The following GULP1 variants were observed in gnomAD, a reference collection of about 807,000 sequenced individuals.
GULP1 encodes the protein PTB domain-containing engulfment adapter protein 1.
GULP1 carries 19 observed loss-of-function variants against 40.9 expected under a neutral mutation model. That is an observed-to-expected ratio of 0.46 (90% confidence interval 0.32 to 0.68). The LOEUF is 0.68. Ranked by LOEUF, GULP1 falls within the 30% of genes least tolerant of loss-of-function variation. The pLI is 0.03. For synonymous variants in GULP1, 119 were observed against 117.6 expected (o/e 1.01, Z -0.08); for missense variants, 312 against 362.2 (o/e 0.86, Z 1.12).
chr2:188,486,979 G>A (rs2061916848), intron 4 of GULP1, among the ~76,000 whole-genome samples: 1 of 151,886 alleles, frequency 6.6e-6, no homozygotes, highest in African/African-American at 2.4e-5. Context: ...GAAGAGTACT[G>A]AGAATTTGGA....
In GULP1 at chr2:188,594,075, ATTAC is replaced by A; in HGVS notation, c.*67_*70del. The A allele has an allele frequency of 1.2e-6, 1 of 861,994 alleles. No homozygotes were observed. Among genetic ancestry groups the A allele is most frequent in the Non-Finnish European group, 1.9e-6 (1 of 514,958 alleles). 53.4% of individuals were successfully genotyped at this position (861,994 alleles called of 1,614,324 possible). On this transcript the variant is annotated 3_prime_UTR_variant, in exon 12 of 12. Transcript: ENST00000409830. ...TTGTATACACATGTCATTTATTATT[ATTAC>A]TTTAAGATAGGTATTATTCATGTGT...
At chr2:188,575,510 G>A (rs911939179) in intron 9 of GULP1, among the ~76,000 whole-genome samples, 1 of 152,178 alleles carries the variant, frequency 6.6e-6, no homozygotes, top group African/African-American at 2.4e-5. Flanking sequence ...GAGCAGAATA[G>A]AAGAGAATGA....
chr2:188,378,291 A>G (rs1281815574), intron 1 of GULP1, among the ~76,000 whole-genome samples: 1 of 151,882 alleles, frequency 6.6e-6, no homozygotes, highest in Non-Finnish European at 1.5e-5. Context: ...AAAAAAAAAA[A>G]AAAGAAAAAA....
intron 1 of GULP1, among the ~76,000 whole-genome samples, chr2:188,332,191 C>CTTTTTTTT (rs11431434): frequency 1.6e-5 from 2 of 126,700 alleles, no homozygotes; most frequent in Non-Finnish European, 1.6e-5. Context: ...TTTCTTTATT[C>CTTTTTTTT]TTTTTTTTTT....
chr2:188,330,799 A>G (rs896065399), intron 1 of GULP1, among the ~76,000 whole-genome samples: 3 of 152,112 alleles, frequency 2.0e-5, no homozygotes, highest in Non-Finnish European at 4.4e-5. Context: ...GTTCATCTGG[A>G]TTACTGGTGT....
At chr2:188,428,124 T>C (rs1360932015) in intron 2 of GULP1, among the ~76,000 whole-genome samples, 1 of 152,236 alleles carries the variant, frequency 6.6e-6, no homozygotes, top group Admixed American at 6.5e-5. Flanking sequence ...GAGGCCTGTG[T>C]ACCCTTTCTT....
chr2:188,372,433 T>G (rs571947124), intron 1 of GULP1, among the ~76,000 whole-genome samples: 1 of 152,216 alleles, frequency 6.6e-6, no homozygotes, highest in East Asian at 1.9e-4. Context: ...AAGTGCACTC[T>G]GACATCACTT....
At chr2:188,480,368 A>C (rs963686920) in intron 3 of GULP1, among the ~76,000 whole-genome samples, 8 of 152,004 alleles carry the variant, frequency 5.3e-5, no homozygotes, top group Non-Finnish European at 8.8e-5. Flanking sequence ...TACCCAATAT[A>C]CTTGGCCATC....
At chr2:188,445,668 C>G (rs2058324323) in intron 2 of GULP1, among the ~76,000 whole-genome samples, 1 of 152,050 alleles carries the variant, frequency 6.6e-6, no homozygotes, top group Non-Finnish European at 1.5e-5. Flanking sequence ...TGAGTAGTGT[C>G]CACAACTAGT....
intron 2 of GULP1, among the ~76,000 whole-genome samples, chr2:188,461,612 C>T (rs1418882464): frequency 2.6e-5 from 4 of 151,638 alleles, no homozygotes; most frequent in Non-Finnish European, 5.9e-5. Context: ...CCCTGGGAAC[C>T]TTTTAATTAT....
At chr2:188,513,388 G>A (rs1248533823) in intron 4 of GULP1, among the ~76,000 whole-genome samples, 3 of 151,942 alleles carry the variant, frequency 2.0e-5, no homozygotes, top group African/African-American at 7.3e-5. Context: ...TAATCTCAAA[G>A]TTCAATATAT....
chr2:188,587,852 C>T lies in GULP1; in HGVS notation c.749-3C>T, dbSNP rs2153471131. On this transcript the variant is annotated splice_polypyrimidine_tract_variant and splice_region_variant and intron_variant, in intron 10 of 11. Coordinates refer to ENST00000409830, the MANE Select transcript of GULP1 (RefSeq NM_016315.4). ...ATTTACTAAATTATTTCCTTCCTTGCAGAACGGGACCTGTTTGGAGCAGAA... is the reference window on the plus strand; with the variant it reads ...ATTTACTAAATTATTTCCTTCCTTGTAGAACGGGACCTGTTTGGAGCAGAA... 6.4e-7 allele frequency: 1 copy of T among 1,553,690 alleles called. No homozygotes were observed. Among genetic ancestry groups the T allele is most frequent in the Non-Finnish European group, 8.8e-7 (1 of 1,132,718 alleles).
chr2:188,450,852 A>G (rs78045093), intron 2 of GULP1, among the ~76,000 whole-genome samples: 11,801 of 152,244 alleles, frequency 0.078, 627 homozygotes, highest in Non-Finnish European at 0.11. Context: ...CAACTTTACT[A>G]TTCAACAAGG....
chr2:188,540,175 A>T lies in GULP1; in HGVS notation c.262-1006A>T, dbSNP rs1396913233. Reference sequence around the variant, plus strand: ...CAGTGTATCTTAGGAAAATATATTTATGACTACAACAGAAAAAGGAATAGT... The same window carrying T: ...CAGTGTATCTTAGGAAAATATATTTTTGACTACAACAGAAAAAGGAATAGT... On this transcript the variant is annotated intron_variant, in intron 6 of 11. Transcript: ENST00000409830. Among the ~76,000 whole-genome samples, 4 of 152,082 alleles carry T rather than the reference A, an allele frequency of 2.6e-5. No homozygotes were observed. In the East Asian group the frequency reaches 5.8e-4, roughly 22 times the overall value.
intron 2 of GULP1, among the ~76,000 whole-genome samples, chr2:188,460,743 G>A (rs2059634542): frequency 1.3e-5 from 2 of 152,216 alleles, no homozygotes; most frequent in Non-Finnish European, 1.5e-5. Context: ...TCAGGGGTAA[G>A]GCTTTCAGTT....
intron 1 of GULP1, among the ~76,000 whole-genome samples, chr2:188,331,572 A>G (rs2041585598): frequency 6.6e-6 from 1 of 152,178 alleles, no homozygotes; most frequent in Non-Finnish European, 1.5e-5. Context: ...TTTTTTGCAA[A>G]CATTTGATTT....
At chr2:188,343,434 G>T (rs1445081870) in intron 1 of GULP1, among the ~76,000 whole-genome samples, 1 of 152,178 alleles carries the variant, frequency 6.6e-6, no homozygotes, top group Non-Finnish European at 1.5e-5. Context: ...AACAATAAAA[G>T]CTTGTAGTGT....
rs1690005323 is a variant in GULP1, at chr2:188,539,926, CAG to C, written c.262-1254_262-1253del. On this transcript the variant is annotated intron_variant, in intron 6 of 11. Coordinates refer to ENST00000409830, the MANE Select transcript of GULP1 (RefSeq NM_016315.4). Reference sequence around the variant, plus strand: ...GATTTTGATTCAACTGAGGTAAAAACAGTGTAAATTTTTATAGCAAGCACCCC... The same window carrying C: ...GATTTTGATTCAACTGAGGTAAAAACTGTAAATTTTTATAGCAAGCACCCC... 2.0e-5 allele frequency among the ~76,000 whole-genome samples: 3 copies of C among 152,030 alleles called. No individual in the cohort carries two copies. In the South Asian group the frequency reaches 6.2e-4, roughly 32 times the overall value.
chr2:188,484,234 A>G (rs1030303251), intron 4 of GULP1, among the ~76,000 whole-genome samples: 1 of 152,116 alleles, frequency 6.6e-6, no homozygotes, highest in Non-Finnish European at 1.5e-5. Context: ...AGCACACAAA[A>G]AGGTGCCTTT....
Sources: gnomAD v4.1 joint callset for allele counts (sites outside exome capture counted in the v4.1 genomes callset) on GRCh38, gnomAD v4.1.1 for gene constraint, MANE v1.5 for transcripts, NCBI Gene and HGNC (gene_info 2026-07-23, HGNC 2026-07-21) for gene names.